Variants in MIPOL1 observed in about 807,000 individuals in gnomAD.
MIPOL1 encodes mirror-image polydactyly 1, also known as mirror-image polydactyly gene 1 protein.
In MIPOL1, 57 loss-of-function variants were observed where a neutral mutation model predicts 60.9. The observed-to-expected ratio is 0.94, with a 90% CI of 0.76 to 1.17. The LOEUF (loss-of-function observed/expected upper bound fraction) is 1.17. Ranked by LOEUF, MIPOL1 falls within the 50% of genes most tolerant of loss-of-function variation. MIPOL1 has a pLI of 0.00. For synonymous variants in MIPOL1, 179 were observed against 168.8 expected (o/e 1.06, Z -0.47); for missense variants, 551 against 511.6 (o/e 1.08, Z -0.74).
intron 3 of MIPOL1, among the ~76,000 whole-genome samples, chr14:37,256,360 A>G (rs1974920618): frequency 6.6e-6 from 1 of 151,930 alleles, no homozygotes; most frequent in African/African-American, 2.4e-5. Context: ...CCTGTGTACA[A>G]ATCCTAAGAT....
At chr14:37,207,534 A>ATATTAT (rs112163576) in intron 1 of MIPOL1, among the ~76,000 whole-genome samples, 5 of 150,346 alleles carry the variant, frequency 3.3e-5, no homozygotes, top group East Asian at 2.0e-4. Flanking sequence ...TGAGGATATG[A>ATATTAT]TATTATTATT....
chr14:37,445,457 T>C (rs2094318606), intron 11 of MIPOL1, among the ~76,000 whole-genome samples: 1 of 151,552 alleles, frequency 6.6e-6, no homozygotes, highest in Non-Finnish European at 1.5e-5. Context: ...TCCATGCTCA[T>C]GGGTAGGAAG....
chr14:37,395,003 A>G lies in MIPOL1; in HGVS notation c.936+25379A>G, dbSNP rs542992633. Among the ~76,000 whole-genome samples the G allele has an allele frequency of 7.2e-5, 11 of 152,272 alleles. No homozygotes were observed. In the South Asian group the frequency reaches 2.3e-3, roughly 32 times the overall value. On this transcript the variant is annotated intron_variant, in intron 10 of 12. Transcript: ENST00000684589. ...CATGTGCCTAGCCAATTATCCCAGC[A>G]TCATTTGTTGAAAAGGGTGTCCTTT...
At chr14:37,286,005 T>C (rs932042926) in intron 7 of MIPOL1, among the ~76,000 whole-genome samples, 1 of 152,236 alleles carries the variant, frequency 6.6e-6, no homozygotes, top group African/African-American at 2.4e-5. Flanking sequence ...TTACTTTCTT[T>C]ATTTCTTCAT....
At chr14:37,369,493 A>G (rs755321875) in intron 9 of MIPOL1, 24 bp from the exon 10 acceptor site, 4 of 1,567,504 alleles carry the variant, frequency 2.6e-6, no homozygotes, top group Middle Eastern at 3.4e-4. Flanking sequence ...TCCTTTACTT[A>G]ATGGGATTCT....
At chr14:37,394,057 C>CATAGATATATATATATATATATATATAT (rs2093316264) in intron 10 of MIPOL1, among the ~76,000 whole-genome samples, 1 of 73,310 alleles carries the variant, frequency 1.4e-5, no homozygotes, top group Admixed American at 1.8e-4. Flanking sequence ...TTAGTAGTGG[C>CATAGATATATATATATATATATATATAT]ATATATATAT....
chr14:37,532,500 A>G (rs2095485648), intron 12 of MIPOL1, among the ~76,000 whole-genome samples: 1 of 152,228 alleles, frequency 6.6e-6, no homozygotes, highest in African/African-American at 2.4e-5. Context: ...ATATTAAAGA[A>G]TGAAAATTAC....
intron 9 of MIPOL1, among the ~76,000 whole-genome samples, chr14:37,360,037 T>A (rs1662412288): frequency 6.6e-6 from 1 of 152,200 alleles, no homozygotes; most frequent in African/African-American, 2.4e-5. Context: ...GAAGGGCTGT[T>A]GAATTTTGTC....
At chr14:37,218,892 T>G (rs954216059) in intron 1 of MIPOL1, among the ~76,000 whole-genome samples, 1 of 138,568 alleles carries the variant, frequency 7.2e-6, no homozygotes, top group Admixed American at 7.8e-5. Flanking sequence ...ACCACTGCAC[T>G]CCAGCCTGGG....
rs2095381312 is a variant in MIPOL1, at chr14:37,517,738, A to AGGACAGATT, written c.1262+17602_1262+17610dup. On this transcript the variant is annotated intron_variant, in intron 12 of 12. Transcript: ENST00000684589. ...TATAAACTGATATTGAGTGATTTCC[A>AGGACAGATT]GGACAGATTGCTAACTGAAAAAAAT... Among the ~76,000 whole-genome samples, 3 of 152,230 alleles carry AGGACAGATT rather than the reference A, an allele frequency of 2.0e-5. No individual in the cohort carries two copies. In the South Asian group the frequency reaches 6.2e-4, roughly 31 times the overall value.
In MIPOL1 at chr14:37,546,919, TG is replaced by T; in HGVS notation, c.1279del (p.Asp427MetfsTer3). On this transcript the variant is annotated frameshift_variant, in exon 13 of 13. Transcript: ENST00000684589. LOFTEE classifies it high-confidence loss of function. Reference sequence around the variant, plus strand: ...CCCCAACTTAGGTTGGAAAGGCTGGTGGATGTACTGAGGAAGAAGGTTGGAA... The same window carrying T: ...CCCCAACTTAGGTTGGAAAGGCTGGTGATGTACTGAGGAAGAAGGTTGGAA... ...NEKVQKLERLVDVLRKKVGTG... is the reference protein window; with the variant it reads ...NEKVQKLERLXDVLRKKVGTG... The T allele has an allele frequency of 6.2e-7, 1 of 1,613,376 alleles. No homozygotes were observed. Among genetic ancestry groups the T allele is most frequent in the Non-Finnish European group, 8.5e-7 (1 of 1,179,732 alleles).
chr14:37,241,168 G>A (rs576999352), intron 1 of MIPOL1, among the ~76,000 whole-genome samples: 1 of 152,234 alleles, frequency 6.6e-6, no homozygotes, highest in South Asian at 2.1e-4. Flanking sequence ...ATATTTCATA[G>A]TCTGAAGGCA....
In MIPOL1 at chr14:37,369,541, C is replaced by T. The variant is rs771743971; in HGVS notation, c.853C>T (p.His285Tyr). The change falls in exon 10 of 13, where the codon CAT (histidine) becomes TAT (tyrosine). Residue 285 changes from histidine to tyrosine, a missense_variant. By Grantham distance (83) the His-to-Tyr change is moderately conservative. Coordinates refer to ENST00000684589, the MANE Select transcript of MIPOL1 (RefSeq NM_001388067.1). ...GTGCAAACGGTTAGAGCAGGAGCTT[C>T]ATCATGTGAAAGAGCAGAACCAGAC... ...SKCKRLEQEL[H>Y]HVKEQNQTSA... 6.2e-7 allele frequency: 1 copy of T among 1,613,092 alleles called. No homozygotes were observed. Among genetic ancestry groups the T allele is most frequent in the Non-Finnish European group, 8.5e-7 (1 of 1,179,354 alleles).
chr14:37,421,205 G>C (rs2153549313), intron 10 of MIPOL1, among the ~76,000 whole-genome samples: 1 of 152,140 alleles, frequency 6.6e-6, no homozygotes, highest in Admixed American at 6.5e-5. Flanking sequence ...AAGAATTTTT[G>C]TTTTGTTGGT....
At chr14:37,303,290 A>C (rs948823332) in intron 7 of MIPOL1, among the ~76,000 whole-genome samples, 2 of 151,998 alleles carry the variant, frequency 1.3e-5, no homozygotes, top group Admixed American at 6.6e-5. Context: ...TCAGATTTAC[A>C]CAGGCAACTC....
intron 9 of MIPOL1, among the ~76,000 whole-genome samples, chr14:37,355,350 C>G (rs1156483763): frequency 7.7e-6 from 1 of 129,748 alleles, no homozygotes; most frequent in African/African-American, 2.9e-5. Flanking sequence ...TTTTTTCCTT[C>G]ATTTCAACTT....
intron 9 of MIPOL1, among the ~76,000 whole-genome samples, chr14:37,324,719 A>T (rs1303445166): frequency 6.6e-6 from 1 of 152,078 alleles, no homozygotes; most frequent in East Asian, 1.9e-4. Context: ...TGAGTTACTT[A>T]TCATGTATGG....
At chr14:37,444,774 C>G (rs997605111) in intron 11 of MIPOL1, among the ~76,000 whole-genome samples, 4 of 152,206 alleles carry the variant, frequency 2.6e-5, no homozygotes, top group African/African-American at 9.6e-5. Flanking sequence ...GTTCAATATA[C>G]GCAAATCAGT....
chr14:37,495,184 G>T (rs1255154801), intron 11 of MIPOL1, among the ~76,000 whole-genome samples: 1 of 147,476 alleles, frequency 6.8e-6, no homozygotes, highest in East Asian at 2.0e-4. Context: ...CATTGTGCAG[G>T]TTAGTTACAT....
Sources: allele counts gnomAD v4.1 joint callset (sites outside exome capture counted in the v4.1 genomes callset), GRCh38; gene constraint gnomAD v4.1.1; transcripts MANE v1.5; gene names NCBI Gene and HGNC (gene_info 2026-07-23, HGNC 2026-07-21).